C14orf132: variants seen among roughly 807,000 people sequenced by gnomAD.
C14orf132 encodes the protein uncharacterized protein C14orf132.
In C14orf132, 6 loss-of-function variants were observed where a neutral mutation model predicts 5.8. That is an observed-to-expected ratio of 1.03 (90% confidence interval 0.57 to 2.04). The LOEUF is 2.04. Ranked by LOEUF, C14orf132 falls within the 30% of genes most tolerant of loss-of-function variation. The pLI is 0.00. For missense variants in C14orf132, 125 were observed against 115.8 expected (o/e 1.08, Z -0.37); for synonymous variants, 51 against 49.8 (o/e 1.02, Z -0.10).
At chr14:96,078,776 G>C (rs376595683) in intron 1 of C14orf132, among the ~76,000 whole-genome samples, 2 of 152,180 alleles carry the variant, frequency 1.3e-5, no homozygotes, top group African/African-American at 4.8e-5. Context: ...GCCTGTTCAC[G>C]GTCCTGCAGT....
In C14orf132 at chr14:96,039,545, C is replaced by T. The variant is rs1161058553; in HGVS notation, c.27+18C>T. On this transcript the variant is annotated intron_variant, in intron 1 of 1. Transcript: ENST00000555004. This position sits in a 1 kb window ranked among gnomAD's most constrained non-coding sequence, Gnocchi z 5.3. The stretch of plus-strand genomic sequence containing the variant: ...CCGCGCAGGTAACGGGGCGTCCCCC[C>T]CACGCGCCCCGGGCCGCCAAGTTTG... The T allele has an allele frequency of 2.0e-6, 3 of 1,499,594 alleles. No individual in the cohort carries two copies. The highest frequency in any genetic ancestry group is 2.1e-5 in the Admixed American group (1 of 47,984). 92.9% of individuals were successfully genotyped at this position (1,499,594 alleles called of 1,614,324 possible).
At chr14:96,061,759 A>G (rs1325245392) in intron 1 of C14orf132, among the ~76,000 whole-genome samples, 1 of 152,026 alleles carries the variant, frequency 6.6e-6, no homozygotes, top group East Asian at 1.9e-4. Context: ...AAAAATAAAA[A>G]GTTAGCTGGG....
At chr14:96,050,612 T>G (rs966226430) in intron 1 of C14orf132, among the ~76,000 whole-genome samples, 39 of 152,232 alleles carry the variant, frequency 2.6e-4, no homozygotes, top group African/African-American at 9.1e-4. Flanking sequence ...CTCTCCATAC[T>G]CTGCCATGTG....
chr14:96,061,399 C>T (rs1406366531), intron 1 of C14orf132, among the ~76,000 whole-genome samples: 2 of 152,086 alleles, frequency 1.3e-5, no homozygotes, highest in Non-Finnish European at 2.9e-5. Flanking sequence ...TATTCGCACC[C>T]CTTATTTTAG....
intron 1 of C14orf132, among the ~76,000 whole-genome samples, chr14:96,069,939 G>A (rs372606069): frequency 3.7e-4 from 57 of 152,336 alleles, no homozygotes; most frequent in African/African-American, 1.3e-3. Flanking sequence ...GTGCTCATTA[G>A]CATTTCTTCC....
chr14:96,045,844 T>G (rs1886819929), intron 1 of C14orf132, among the ~76,000 whole-genome samples: 1 of 152,210 alleles, frequency 6.6e-6, no homozygotes, highest in African/African-American at 2.4e-5. Flanking sequence ...GGACCAGAAT[T>G]GAGGAAGGGC....
intron 1 of C14orf132, among the ~76,000 whole-genome samples, chr14:96,084,322 G>C (rs978118054): frequency 1.4e-5 from 2 of 142,462 alleles, no homozygotes; most frequent in Non-Finnish European, 3.2e-5. Context: ...TGCAGCCCCC[G>C]TCATGCCCAA....
At chr14:96,070,683 A>C (rs914506702) in intron 1 of C14orf132, among the ~76,000 whole-genome samples, 3 of 151,842 alleles carry the variant, frequency 2.0e-5, no homozygotes, top group Non-Finnish European at 4.4e-5. Context: ...ACCTTAGGCA[A>C]ATCGCTTAAC....
chr14:96,043,610 G>T (rs1040336142), intron 1 of C14orf132, among the ~76,000 whole-genome samples: 1 of 152,134 alleles, frequency 6.6e-6, no homozygotes, highest in African/African-American at 2.4e-5. Flanking sequence ...GATTCTAGGG[G>T]TGGGAGCCAG....
chr14:96,077,764 T>A (rs967415078), intron 1 of C14orf132, among the ~76,000 whole-genome samples: 1 of 152,244 alleles, frequency 6.6e-6, no homozygotes, highest in African/African-American at 2.4e-5. Flanking sequence ...CTGAAAATTC[T>A]CTGTCACCTT....
At chr14:96,083,787 G>T (rs1037058813) in intron 1 of C14orf132, among the ~76,000 whole-genome samples, 1 of 152,224 alleles carries the variant, frequency 6.6e-6, no homozygotes, top group African/African-American at 2.4e-5. Context: ...TACTGTGCTT[G>T]TGGGAATTAG....
At position 96,039,509 on chromosome 14, in the gene C14orf132, C is replaced by T. The variant is rs1313928103; in HGVS notation, c.9C>T (p.Leu3=). The T allele has an allele frequency of 8.7e-6, 13 of 1,502,552 alleles. No individual in the cohort carries two copies. In the Admixed American group the frequency reaches 2.7e-4, roughly 31 times the overall value. 93.1% of individuals were successfully genotyped at this position (1,502,552 alleles called of 1,614,324 possible). A position where few individuals can be genotyped will look rare whatever the true frequency, so the allele number is the denominator to read the frequency against. ...CTGGCTGCAGCGACACCATGGATCT[C>T]TCCTTTATGGCCGCGCAGGTAACGG... is the stretch of plus-strand genomic sequence containing the variant. MD[L]SFMAAQLPMM... Residue 3 remains leucine (L), a synonymous_variant, in exon 1 of 2, where the codon CTC becomes CTT. Transcript: ENST00000555004. The surrounding 1 kb of genome is among the most constrained non-coding windows in gnomAD (Gnocchi z 5.3).
Position 96,044,236 on chromosome 14 carries a change from C to A in C14orf132, c.27+4709C>A, listed in dbSNP as rs75555665. Among the ~76,000 whole-genome samples the A allele has an allele frequency of 5.7e-3, 862 of 152,244 alleles. 3 individuals carry two copies. The highest frequency in any genetic ancestry group is 0.02 in the African/African-American group (829 of 41,526). On this transcript the variant is annotated intron_variant, in intron 1 of 1. Coordinates refer to ENST00000555004, the MANE Select transcript of C14orf132 (RefSeq NM_001252507.3). ...TTGCCCAGGATGGAGTGCAGTGGTG[C>A]GATCATGGTTCACTGCAGCCTTAAT...
Position 96,088,280 on chromosome 14 carries a change from T to C in C14orf132, c.*1545T>C, listed in dbSNP as rs567474947. Reference sequence around the variant, plus strand: ...TCTTCCCTGGAAGCCGCCATGTTAATAGGATTACTAGCCTGGCTCCAGACA... The same window carrying C: ...TCTTCCCTGGAAGCCGCCATGTTAACAGGATTACTAGCCTGGCTCCAGACA... On this transcript the variant is annotated 3_prime_UTR_variant, in exon 2 of 2. Coordinates refer to ENST00000555004, the MANE Select transcript of C14orf132 (RefSeq NM_001252507.3). 4 of 152,320 alleles carry C rather than the reference T, an allele frequency of 2.6e-5. No individual in the cohort carries two copies. Among genetic ancestry groups the C allele is most frequent in the East Asian group, 1.9e-4 (1 of 5,180 alleles). 9.4% of individuals were successfully genotyped at this position (152,320 alleles called of 1,614,324 possible).
At chr14:96,067,596 G>T (rs1887569763) in intron 1 of C14orf132, among the ~76,000 whole-genome samples, 1 of 151,988 alleles carries the variant, frequency 6.6e-6, no homozygotes, top group African/African-American at 2.4e-5. Flanking sequence ...CTACTCGGGA[G>T]GCTGAGGCAG....
At chr14:96,058,783 G>A (rs964864770) in intron 1 of C14orf132, among the ~76,000 whole-genome samples, 3 of 152,212 alleles carry the variant, frequency 2.0e-5, no homozygotes, top group Non-Finnish European at 4.4e-5. Context: ...GCCTCCTACA[G>A]CATTGCAGCA....
In C14orf132 at chr14:96,092,829, AG is replaced by A. The variant is rs1330892645; in HGVS notation, c.*6095del. Reference sequence around the variant, plus strand: ...TCTCAAGGAAGGGCTGGGGGCCATCAGCAATGTCTGGAGACATTTTTGATTC... The same window carrying A: ...TCTCAAGGAAGGGCTGGGGGCCATCACAATGTCTGGAGACATTTTTGATTC... On this transcript the variant is annotated 3_prime_UTR_variant, in exon 2 of 2. Coordinates refer to ENST00000555004, the MANE Select transcript of C14orf132 (RefSeq NM_001252507.3). The A allele has an allele frequency of 1.3e-5, 2 of 152,204 alleles. No homozygotes were observed. Among genetic ancestry groups the A allele is most frequent in the Non-Finnish European group, 2.9e-5 (2 of 68,044 alleles). 9.4% of individuals were successfully genotyped at this position (152,204 alleles called of 1,614,324 possible). A position where few individuals can be genotyped will look rare whatever the true frequency, so the allele number is the denominator to read the frequency against.
At chr14:96,042,504 C>T (rs1886721464) in intron 1 of C14orf132, among the ~76,000 whole-genome samples, 1 of 152,204 alleles carries the variant, frequency 6.6e-6, no homozygotes, top group African/African-American at 2.4e-5. Flanking sequence ...CCACGTGACT[C>T]CAAGCCCACG....
intron 1 of C14orf132, among the ~76,000 whole-genome samples, chr14:96,064,429 C>CAT: frequency 6.8e-6 from 1 of 147,070 alleles, no homozygotes; most frequent in Middle Eastern, 3.5e-3. Context: ...CATATATACA[C>CAT]ATATATATGT....
Sources: gnomAD v4.1 joint callset for allele counts (sites outside exome capture counted in the v4.1 genomes callset) on GRCh38, gnomAD v4.1.1 for gene constraint, Gnocchi (gnomAD v3.1) non-coding constraint, MANE v1.5 for transcripts, NCBI Gene and HGNC (gene_info 2026-07-23, HGNC 2026-07-21) for gene names.